APOLD1: variants seen among roughly 807,000 people sequenced by gnomAD.
The protein encoded by APOLD1 is apolipoprotein L domain containing 1, also known as apolipoprotein L domain-containing protein 1.
APOLD1 carries 22 observed loss-of-function variants against 15.3 expected under a neutral mutation model. That is an observed-to-expected ratio of 1.44 (90% CI 1.03 to 2.05). APOLD1 has a LOEUF of 2.05. Ranked by LOEUF, APOLD1 falls within the 30% of genes most tolerant of loss-of-function variation. The probability of loss-of-function intolerance (pLI) is 0.00; values close to 1 mark genes in which losing one functional copy is unlikely to be tolerated. For synonymous variants in APOLD1, 190 were observed against 167.4 expected, an observed-to-expected ratio of 1.13 and a Z score of -1.04; for missense variants, 394 against 353.5, an observed-to-expected ratio of 1.11 and a Z score of -0.92.
chr12:12,746,817 G>A (rs1314820393), intron 1 of APOLD1, among the ~76,000 whole-genome samples: 6 of 152,018 alleles, frequency 3.9e-5, no homozygotes, highest in African/African-American at 1.2e-4. Flanking sequence ...CTTCTGGAGT[G>A]CCCAGTGTCT....
At chr12:12,769,243 A>T (rs1817502878) in intron 1 of APOLD1, among the ~76,000 whole-genome samples, 1 of 151,572 alleles carries the variant, frequency 6.6e-6, no homozygotes, top group African/African-American at 2.4e-5. Flanking sequence ...AAAAAAAAAA[A>T]AAAAAAAAGT....
At chr12:12,776,019 A>AAAC (rs1462645664) in intron 1 of APOLD1, among the ~76,000 whole-genome samples, 1 of 150,858 alleles carries the variant, frequency 6.6e-6, no homozygotes, top group Non-Finnish European at 1.5e-5. Flanking sequence ...AAAAAAAAAA[A>AAAC]AAAAAAACAC....
chr12:12,747,826 T>C (rs1424065618), intron 1 of APOLD1, among the ~76,000 whole-genome samples: 1 of 152,200 alleles, frequency 6.6e-6, no homozygotes, highest in Non-Finnish European at 1.5e-5. Flanking sequence ...CATGGAGTGA[T>C]TGAGGCTTCT....
At chr12:12,770,122 TAGAG>T (rs1218260929) in intron 1 of APOLD1, among the ~76,000 whole-genome samples, 1 of 152,066 alleles carries the variant, frequency 6.6e-6, no homozygotes, top group Non-Finnish European at 1.5e-5. Context: ...AAAGAAATGT[TAGAG>T]AGGCCGGGGG....
At chr12:12,752,366 C>A (rs974939241) in intron 1 of APOLD1, among the ~76,000 whole-genome samples, 4 of 152,096 alleles carry the variant, frequency 2.6e-5, no homozygotes, top group Non-Finnish European at 5.9e-5. Context: ...TGCTGCTGGA[C>A]CTGGGTGGCT....
chr12:12,787,759 G>T lies in APOLD1; in HGVS notation c.*107G>T. On this transcript the variant is annotated 3_prime_UTR_variant, in exon 2 of 2. Transcript: ENST00000356591. The surrounding 1 kb of genome is among the most constrained non-coding windows in gnomAD (Gnocchi z 4.9). ...CACCAAGCTGGGTTAGGAGCCGAAG[G>T]CAAAGGATGAGAAAAACTGTTTTTG... The T allele has an allele frequency of 6.8e-7, 1 of 1,479,430 alleles. No individual in the cohort carries two copies. The highest frequency in any genetic ancestry group is 1.4e-5 in the South Asian group (1 of 73,048). 91.6% of individuals were successfully genotyped at this position (1,479,430 alleles called of 1,614,324 possible).
intron 1 of APOLD1, among the ~76,000 whole-genome samples, chr12:12,768,626 T>A (rs1271824999): frequency 6.6e-6 from 1 of 151,010 alleles, no homozygotes; most frequent in East Asian, 1.9e-4. Context: ...CACTCCAGCC[T>A]GGGCAACACA....
chr12:12,772,030 C>A (rs974256457), intron 1 of APOLD1, among the ~76,000 whole-genome samples: 1 of 151,804 alleles, frequency 6.6e-6, no homozygotes, highest in Non-Finnish European at 1.5e-5. Context: ...ATGAAACGCT[C>A]AATTGTAACA....
At chr12:12,752,291 A>G (rs1478363592) in intron 1 of APOLD1, among the ~76,000 whole-genome samples, 2 of 152,180 alleles carry the variant, frequency 1.3e-5, no homozygotes, top group Non-Finnish European at 2.9e-5. Context: ...CAAGCCCAAG[A>G]AAGCACAAGT....
At chr12:12,766,779 G>A (rs1470152261) in intron 1 of APOLD1, among the ~76,000 whole-genome samples, 2 of 152,068 alleles carry the variant, frequency 1.3e-5, no homozygotes. Context: ...AACCCGGGAG[G>A]TGGAGGTTGC....
At chr12:12,728,546 T>C (rs1452153623) in intron 1 of APOLD1, among the ~76,000 whole-genome samples, 2 of 151,058 alleles carry the variant, frequency 1.3e-5, no homozygotes, top group Admixed American at 1.3e-4. Context: ...GTGCTGCCTG[T>C]AGTCCCAGCT....
chr12:12,739,786 A>C (rs1223949282), intron 1 of APOLD1, among the ~76,000 whole-genome samples: 1 of 149,844 alleles, frequency 6.7e-6, no homozygotes, highest in African/African-American at 2.5e-5. Flanking sequence ...TTCATTAAGG[A>C]GTATATTTCT....
At chr12:12,752,355 G>C (rs1946818769) in intron 1 of APOLD1, among the ~76,000 whole-genome samples, 1 of 152,182 alleles carries the variant, frequency 6.6e-6, no homozygotes, top group Non-Finnish European at 1.5e-5. Context: ...GCCCCACTCA[G>C]TGCTGCTGGA....
At chr12:12,783,872 G>A (rs946269063), upstream of APOLD1, among the ~76,000 whole-genome samples, 1 of 151,862 alleles carries the variant, frequency 6.6e-6, no homozygotes, top group African/African-American at 2.4e-5. Context: ...GACTTCAAGC[G>A]ACCCTCCCTC....
At chr12:12,782,282 C>A (rs1184187026), upstream of APOLD1, among the ~76,000 whole-genome samples, 1 of 151,698 alleles carries the variant, frequency 6.6e-6, no homozygotes, top group Non-Finnish European at 1.5e-5. Context: ...AACAAACAAA[C>A]AAACAAACAA....
At chr12:12,735,339 C>A (rs1029414293) in intron 1 of APOLD1, among the ~76,000 whole-genome samples, 2 of 152,050 alleles carry the variant, frequency 1.3e-5, no homozygotes, top group African/African-American at 4.8e-5. Flanking sequence ...GAAACAGGGG[C>A]CCTGACCTAG....
chr12:12,784,301 A>G (rs1947107959), upstream of APOLD1, among the ~76,000 whole-genome samples: 1 of 151,924 alleles, frequency 6.6e-6, no homozygotes, highest in South Asian at 2.1e-4. Context: ...CCTCTTGTCT[A>G]CCTCCCCAAT....
chr12:12,783,822 T>TG (rs1368799760), upstream of APOLD1, among the ~76,000 whole-genome samples: 3 of 150,610 alleles, frequency 2.0e-5, no homozygotes, highest in African/African-American at 7.3e-5. Flanking sequence ...TTTGTAAAGA[T>TG]GGGGTCTCAT....
Position 12,785,702 on chromosome 12 carries a change from G to A in APOLD1, c.3+8G>A, listed in dbSNP as rs1478834072. ...GGCAGACAGAAGTGAATGGTAAGTG[G>A]GGAACCCTGAGGCATATATTCGGGA... On this transcript the variant is annotated splice_region_variant and intron_variant, in intron 1 of 1. Coordinates refer to ENST00000356591, the MANE Select transcript of APOLD1 (RefSeq NM_030817.3). 5 of 1,613,250 alleles carry A rather than the reference G, an allele frequency of 3.1e-6. No homozygotes were observed. Among genetic ancestry groups the A allele is most frequent in the Non-Finnish European group, 4.2e-6 (5 of 1,179,316 alleles).
Sources: gnomAD v4.1 joint callset for allele counts (sites outside exome capture counted in the v4.1 genomes callset) on GRCh38, gnomAD v4.1.1 for gene constraint, Gnocchi (gnomAD v3.1) non-coding constraint, MANE v1.5 for transcripts, NCBI Gene and HGNC (gene_info 2026-07-23, HGNC 2026-07-21) for gene names.